Variants in GCC2 observed in about 807,000 individuals in gnomAD.
GCC2 encodes GRIP and coiled-coil domain containing 2.
Under a neutral mutation model 210.6 loss-of-function variants are expected in GCC2, and 120 were observed. The observed-to-expected ratio is 0.57, with a 90% CI of 0.49 to 0.66. The LOEUF is 0.66. GCC2 is among the 30% of genes least tolerant of loss of function. The pLI is 0.00. For synonymous variants in GCC2, 703 were observed against 652.7 expected (o/e 1.08, Z -1.17); for missense variants, 1,868 against 1,871.9 (o/e 1.00, Z 0.04).
chr2:108,478,574 G>C (rs1283549231), intron 9 of GCC2, among the ~76,000 whole-genome samples: 1 of 152,210 alleles, frequency 6.6e-6, no homozygotes, highest in Non-Finnish European at 1.5e-5. Flanking sequence ...ATGTTTAGAA[G>C]CGTCTACCCT....
intron 20 of GCC2, chr2:108,495,719 GCC>G: frequency 3.7e-6 from 1 of 267,196 alleles, no homozygotes; most frequent in Non-Finnish European, 7.2e-6. Flanking sequence ...CGATCACTAG[GCC>G]ATCTGCAGGC....
chr2:108,474,757 A>G (rs1449096534), intron 7 of GCC2: 1 of 152,164 alleles, frequency 6.6e-6, no homozygotes, highest in East Asian at 1.9e-4. Flanking sequence ...TTTCTTGATG[A>G]TAATTTTTCT....
At chr2:108,498,178 A>ATTTTATTTTTTT in intron 21 of GCC2, among the ~76,000 whole-genome samples, 1 of 64,894 alleles carries the variant, frequency 1.5e-5, no homozygotes, top group Non-Finnish European at 3.2e-5. Context: ...TAAATGTTAT[A>ATTTTATTTTTTT]TTTTCTTTTT....
intron 4 of GCC2, among the ~76,000 whole-genome samples, chr2:108,464,835 A>C (rs1680790082): frequency 6.6e-6 from 1 of 152,196 alleles, no homozygotes; most frequent in African/African-American, 2.4e-5. Context: ...ATCGTTCTGC[A>C]AGCTGTTCAG....
chr2:108,476,791 C>G (rs1681553144), intron 9 of GCC2, among the ~76,000 whole-genome samples: 1 of 152,024 alleles, frequency 6.6e-6, no homozygotes, highest in Admixed American at 6.6e-5. Context: ...TTCCTATCCT[C>G]TTAGGACTTA....
intron 4 of GCC2, among the ~76,000 whole-genome samples, chr2:108,454,692 T>G (rs1466106097): frequency 6.6e-6 from 1 of 152,220 alleles, no homozygotes; most frequent in African/African-American, 2.4e-5. Flanking sequence ...TCTTAAATTC[T>G]TTCTCTATGA....
chr2:108,488,154 G>A (rs1378572846), intron 17 of GCC2, among the ~76,000 whole-genome samples: 1 of 151,964 alleles, frequency 6.6e-6, no homozygotes, highest in Non-Finnish European at 1.5e-5. Context: ...TGATCCACCC[G>A]CCTCAGCCTC....
chr2:108,449,609 C>A, intron 1 of GCC2, 24 bp from the exon 2 acceptor site: 1 of 1,609,296 alleles, frequency 6.2e-7, no homozygotes, highest in Non-Finnish European at 8.5e-7. Flanking sequence ...TCTTCTGACA[C>A]CTGGGTTTGA....
intron 4 of GCC2, among the ~76,000 whole-genome samples, chr2:108,466,544 C>T (rs998265833): frequency 2.0e-5 from 3 of 152,014 alleles, no homozygotes; most frequent in Non-Finnish European, 2.9e-5. Context: ...GCGATCCCAG[C>T]TTATTGCAAG....
Position 108,493,719 on chromosome 2 carries a change from AG to A in GCC2, c.4447+930del, listed in dbSNP as rs199550900. On this transcript the variant is annotated intron_variant, in intron 19 of 22. Transcript: ENST00000309863. Reference sequence around the variant, plus strand: ...TGGGAAATATTGTCACTGGAGCATTAGCCGCTATCGGTCACTTATTAGGGTA... The same window carrying A: ...TGGGAAATATTGTCACTGGAGCATTACCGCTATCGGTCACTTATTAGGGTA... 24 of 985,482 alleles carry A rather than the reference AG, an allele frequency of 2.4e-5. No individual in the cohort carries two copies. In the East Asian group the frequency reaches 1.8e-3, roughly 75 times the overall value. The allele number at this position is 985,482 out of a possible 1,614,324, so 61.0% of individuals were successfully genotyped here.
At chr2:108,506,117 T>G (rs1337105374) in intron 22 of GCC2, among the ~76,000 whole-genome samples, 1 of 152,136 alleles carries the variant, frequency 6.6e-6, no homozygotes, top group Non-Finnish European at 1.5e-5. Context: ...TTTAAAAAGG[T>G]GAATTATGTG....
chr2:108,501,603 TA>T (rs1682928833), intron 22 of GCC2, among the ~76,000 whole-genome samples: 4 of 152,026 alleles, frequency 2.6e-5, no homozygotes, highest in Non-Finnish European at 5.9e-5. Context: ...CCATCCCCTG[TA>T]AACCCTAATA....
chr2:108,504,347 T>C (rs1426712257), intron 22 of GCC2, among the ~76,000 whole-genome samples: 1 of 152,126 alleles, frequency 6.6e-6, no homozygotes, highest in Non-Finnish European at 1.5e-5. Flanking sequence ...AACATTAGCT[T>C]AGGGGGTAAA....
At chr2:108,478,863 G>A (rs909351997) in intron 9 of GCC2, among the ~76,000 whole-genome samples, 3 of 152,152 alleles carry the variant, frequency 2.0e-5, no homozygotes, top group Non-Finnish European at 2.9e-5. Context: ...CTATGGAAAA[G>A]AAAAGACCCT....
intron 4 of GCC2, among the ~76,000 whole-genome samples, chr2:108,465,219 T>C (rs780651534): frequency 2.6e-5 from 4 of 152,222 alleles, no homozygotes; most frequent in African/African-American, 4.8e-5. Flanking sequence ...TGTTCTCTCT[T>C]GGATGATCTG....
rs1228174598 is a variant in GCC2 at position 108,475,809 on chromosome 2, G to T, written c.3019G>T (p.Ala1007Ser). The T allele has an allele frequency of 1.2e-5, 20 of 1,601,920 alleles. No homozygotes were observed. Among genetic ancestry groups the T allele is most frequent in the Non-Finnish European group, 1.6e-5 (19 of 1,173,812 alleles). ...SLRSEKDQLS[A>S]SMRDLIQGAE... ...TCGATCAGAAAAGGACCAGTTATCT[G>T]CTTCCATGAGAGATCTCATTCAAGG... Residue 1007 changes from alanine to serine, a missense_variant, in exon 9 of 23, where the codon GCT becomes TCT. By Grantham distance (99) the Ala-to-Ser change is moderately conservative. Coordinates refer to ENST00000309863, the MANE Select transcript of GCC2 (RefSeq NM_181453.4).
Position 108,484,309 on chromosome 2 carries a change from T to G in GCC2, c.3611T>G (p.Ile1204Arg), listed in dbSNP as rs1340034632. 1 of 1,468,350 alleles carries G rather than the reference T, an allele frequency of 6.8e-7. No individual in the cohort carries two copies. The highest frequency in any genetic ancestry group is 2.3e-5 in the East Asian group (1 of 42,580). 91.0% of individuals were successfully genotyped at this position (1,468,350 alleles called of 1,614,324 possible). A position where few individuals can be genotyped will look rare whatever the true frequency, so the allele number is the denominator to read the frequency against. The change falls in exon 13 of 23, where the codon ATA becomes AGA. Residue 1204 changes from isoleucine (I) to arginine (R), a missense_variant and splice_region_variant. By Grantham distance (97) the Ile-to-Arg change is moderately conservative. Transcript: ENST00000309863. ...AAACAAGAAACCCTACAAGAAGAAA[T>G]AAGTGAGTTAAAGAAAATTCACTTT... ...KQKQETLQEE[I>R]TSLQSSVQQY... is the part of the protein sequence containing the mutation.
chr2:108,453,155 T>C (rs538315910), intron 4 of GCC2, among the ~76,000 whole-genome samples: 58 of 152,344 alleles, frequency 3.8e-4, no homozygotes, highest in African/African-American at 1.4e-3. Flanking sequence ...ACAGTTGTGT[T>C]TCCCTCTCAC....
chr2:108,488,842 A>C (rs796586316), intron 17 of GCC2, among the ~76,000 whole-genome samples: 2 of 152,274 alleles, frequency 1.3e-5, no homozygotes, highest in African/African-American at 4.8e-5. Context: ...TTCATTTAGG[A>C]ATCTATTAAA....
Sources: gnomAD v4.1 joint callset for allele counts (sites outside exome capture counted in the v4.1 genomes callset) on GRCh38, gnomAD v4.1.1 for gene constraint, MANE v1.5 for transcripts, NCBI Gene and HGNC (gene_info 2026-07-23, HGNC 2026-07-21) for gene names.